Variants in DNAH2 observed in about 807,000 individuals in gnomAD.
DNAH2 encodes the protein axonemal beta dynein heavy chain 2.
Under a neutral mutation model 523.5 loss-of-function variants are expected in DNAH2, and 323 were observed. The ratio of observed to expected loss-of-function variants is 0.62; its 90% CI spans 0.56 to 0.68. The LOEUF (loss-of-function observed/expected upper bound fraction) is 0.68. Ranked by LOEUF, DNAH2 falls within the 30% of genes least tolerant of loss-of-function variation. The pLI is 0.00. For synonymous variants in DNAH2, 2,093 were observed against 2,177.4 expected, an observed-to-expected ratio of 0.96 and a Z score of 1.08; for missense variants, 4,907 against 5,701.5, an observed-to-expected ratio of 0.86 and a Z score of 4.49.
chr17:7,757,394 A>G (rs1321946958), intron 13 of DNAH2, among the ~76,000 whole-genome samples, 157 bp downstream of exon 13: 1 of 150,522 alleles, frequency 6.6e-6, no homozygotes, highest in Non-Finnish European at 1.5e-5. Flanking sequence ...TTACGGCCCT[A>G]TCATTATTCC....
In DNAH2 at chr17:7,766,329, A is replaced by C. The variant is rs1175513101; in HGVS notation, c.3523A>C (p.Ser1175Arg). ...EDFEFKGHFT[S>R]NVGYMSALDQ... The stretch of plus-strand genomic sequence containing the variant: ...TGAATCCTCCACAGGCCATTTCACC[A>C]GCAACGTGGGATACATGTCTGCCTT... Residue 1175 changes from serine (S) to arginine (R), a missense_variant, in exon 22 of 86, where the codon AGC becomes CGC. Ser to Arg is a moderately radical substitution (Grantham distance 110). Coordinates refer to ENST00000572933, the MANE Select transcript of DNAH2 (RefSeq NM_020877.5). The C allele has an allele frequency of 6.2e-7, 1 of 1,613,590 alleles. No homozygotes were observed. The highest frequency in any genetic ancestry group is 8.5e-7 in the Non-Finnish European group (1 of 1,179,624).
In DNAH2 at chr17:7,799,109, T is replaced by C. The variant is rs781215036; in HGVS notation, c.8566T>C (p.Ser2856Pro). 8.1e-6 allele frequency: 13 copies of C among 1,613,998 alleles called. No individual in the cohort carries two copies. Among genetic ancestry groups the C allele is most frequent in the Non-Finnish European group, 1.1e-5 (13 of 1,180,014 alleles). Reference protein sequence around the residue: ...YKPDEFEEIQSHIIDQARVEQ... With the variant: ...YKPDEFEEIQPHIIDQARVEQ... ...CTGGGTGGCTTCTGTCCAGATCCAG[T>C]CGCATATCATAGACCAGGCCCGGGT... is the stretch of plus-strand genomic sequence containing the variant. The change falls in exon 56 of 86, where the codon TCG becomes CCG. Residue 2856 changes from serine (S) to proline (P), a missense_variant. This residue lies in a region of DNAH2 where 1,851 missense variants were observed against 2,139.4 expected (regional missense o/e 0.87). Transcript: ENST00000572933.
intron 3 of DNAH2, among the ~76,000 whole-genome samples, chr17:7,726,045 G>A (rs929121177): frequency 6.6e-6 from 1 of 151,662 alleles, no homozygotes; most frequent in Non-Finnish European, 1.5e-5. Flanking sequence ...TTGCTCTGTC[G>A]CCCAGGCTGG....
At chr17:7,719,380 C>T (rs1486057860) in intron 1 of DNAH2, among the ~76,000 whole-genome samples, 1 of 152,102 alleles carries the variant, frequency 6.6e-6, no homozygotes, top group Non-Finnish European at 1.5e-5. Flanking sequence ...CCACCCGGCT[C>T]GGCCTCCCAA....
At chr17:7,768,826 G>A (rs1406790006) in intron 24 of DNAH2, among the ~76,000 whole-genome samples, 1 of 152,094 alleles carries the variant, frequency 6.6e-6, no homozygotes, top group Non-Finnish European at 1.5e-5. Flanking sequence ...GGCTTATTTC[G>A]CTTAGCATAA....
rs770715466 is a variant in DNAH2, at chr17:7,796,540, T to G, written c.7751T>G (p.Ile2584Ser). The part of the protein sequence containing the change: ...LQDFEEEVKP[I>S]GNVVTEATLD... ...GACTTTGAGGAAGAGGTGAAGCCCA[T>G]TGGGAACGTGGTGACAGAGGCCACC... Residue 2584 changes from isoleucine to serine, a missense_variant, in exon 50 of 86, where the codon ATT becomes AGT. By Grantham distance (142) the Ile-to-Ser change is moderately radical. Around this residue, in one of 3 missense-constraint regions of DNAH2, gnomAD observed 250 missense variants for 371.3 expected, o/e 0.67. Coordinates refer to ENST00000572933, the MANE Select transcript of DNAH2 (RefSeq NM_020877.5). The G allele has an allele frequency of 6.2e-7, 1 of 1,613,466 alleles. No individual in the cohort carries two copies. Among genetic ancestry groups the G allele is most frequent in the African/African-American group, 1.3e-5 (1 of 74,708 alleles).
intron 74 of DNAH2, 35 bp from the exon 75 acceptor site, chr17:7,823,799 C>T (rs1316148024): frequency 6.2e-7 from 1 of 1,609,226 alleles, no homozygotes; most frequent in East Asian, 2.2e-5. Context: ...TCCAGACTCA[C>T]TCCCTCTCCC....
At position 7,823,936 on chromosome 17, in the gene DNAH2, A is replaced by G. The variant is rs1052953631; in HGVS notation, c.11432A>G (p.Asn3811Ser). 2.5e-6 allele frequency: 4 copies of G among 1,613,370 alleles called. No individual in the cohort carries two copies. Among genetic ancestry groups the G allele is most frequent in the Admixed American group, 1.7e-5 (1 of 59,976 alleles). The stretch of plus-strand genomic sequence containing the variant: ...TGCGTGACCTCCTTCATCATCACCA[A>G]CCTTGGCTCCCGCTTCATCGAGCCG... ...AFCVTSFIIT[N>S]LGSRFIEPPV... Residue 3811 changes from asparagine to serine, a missense_variant, in exon 75 of 86, where the codon AAC becomes AGC. Physicochemically the swap from Asn to Ser is conservative, Grantham distance 46. Transcript: ENST00000572933.
At chr17:7,741,301 C>T (rs373372789) in intron 11 of DNAH2, among the ~76,000 whole-genome samples, 17,396 of 49,750 alleles carry the variant, frequency 0.35, 3,257 homozygotes, top group East Asian at 0.56. Context: ...TTTCTTCCTT[C>T]CTTCCCTCCC....
Position 7,734,668 on chromosome 17 carries a change from C to T in DNAH2, c.938C>T (p.Ser313Phe). The T allele has an allele frequency of 6.2e-7, 1 of 1,612,812 alleles. No individual in the cohort carries two copies. Among genetic ancestry groups the T allele is most frequent in the South Asian group, 1.1e-5 (1 of 90,860 alleles). The change falls in exon 7 of 86, where the codon TCC becomes TTC. Residue 313 changes from serine (S) to phenylalanine (F), a missense_variant. Transcript: ENST00000572933. ...TCCATCCTGCACCTTGCCAAGTCGT[C>T]CTACTTGGCGCCCTTTATGAAACTG... ...VESILHLAKSSYLAPFMKLAQ... is the reference protein window; with the variant it reads ...VESILHLAKSFYLAPFMKLAQ...
At chr17:7,801,099 G>A (rs570996172) in intron 56 of DNAH2, among the ~76,000 whole-genome samples, 3 of 151,688 alleles carry the variant, frequency 2.0e-5, no homozygotes, top group African/African-American at 4.8e-5. Context: ...TTTCGAACAC[G>A]TGGGCTCAAG....
At position 7,796,652 on chromosome 17, in the gene DNAH2, G is replaced by C. The variant is rs2077071382; in HGVS notation, c.7863G>C (p.Lys2621Asn). 1 of 1,609,484 alleles carries C rather than the reference G, an allele frequency of 6.2e-7. No individual in the cohort carries two copies. ...HYLFNLRDISKVFQGMLRANK... is the reference protein window; with the variant it reads ...HYLFNLRDISNVFQGMLRANK... Reference sequence around the variant, plus strand: ...TCTTCAACCTTCGAGACATCTCCAAGGTGACTCGCGGCCTGACCTTGCCCC... The same window carrying C: ...TCTTCAACCTTCGAGACATCTCCAACGTGACTCGCGGCCTGACCTTGCCCC... Residue 2621 changes from lysine to asparagine, a missense_variant and splice_region_variant, in exon 50 of 86, where the codon AAG becomes AAC. Physicochemically the swap from Lys to Asn is moderately conservative, Grantham distance 94 (BLOSUM62 0). This residue lies in a region of DNAH2 where 250 missense variants were observed against 371.3 expected (regional missense o/e 0.67). Coordinates refer to ENST00000572933, the MANE Select transcript of DNAH2 (RefSeq NM_020877.5).
chr17:7,771,452 G>A lies in DNAH2; in HGVS notation c.4485G>A (p.Arg1495=), dbSNP rs765169288. The A allele has an allele frequency of 6.2e-7, 1 of 1,613,830 alleles. No homozygotes were observed. Among genetic ancestry groups the A allele is most frequent in the Non-Finnish European group, 8.5e-7 (1 of 1,179,832 alleles). Residue 1495 remains arginine, a synonymous_variant, in exon 28 of 86, where the codon CGG becomes CGA. Transcript: ENST00000572933. ...TGAACAAGGACAACAATGCTCTCCG[G>A]AGCACCCATCACCCAGGTCAGAGCT... ...DRMNKDNNAL[R]STHHPGLLDT...
intron 11 of DNAH2, among the ~76,000 whole-genome samples, chr17:7,741,517 C>T (rs904657201): frequency 7.3e-5 from 11 of 151,540 alleles, no homozygotes; most frequent in Non-Finnish European, 1.3e-4. Context: ...GCCACCGCAC[C>T]CAGCTAATTT....
chr17:7,798,594 T>C lies in DNAH2; in HGVS notation c.8435T>C (p.Leu2812Pro). 6.2e-7 allele frequency: 1 copy of C among 1,614,034 alleles called. No homozygotes were observed. The highest frequency in any genetic ancestry group is 8.5e-7 in the Non-Finnish European group (1 of 1,180,014). Residue 2812 changes from leucine (L) to proline (P), a missense_variant, in exon 55 of 86, where the codon CTC (leucine) becomes CCC (proline). By Grantham distance (98) the Leu-to-Pro change is moderately conservative. Coordinates refer to ENST00000572933, the MANE Select transcript of DNAH2 (RefSeq NM_020877.5). This position sits in a 1 kb window ranked among gnomAD's most constrained non-coding sequence, Gnocchi z 5.5. ...CTGTATCGCCAGGCTGGGGTGGAGC[T>C]CAAGACCACGTCCTTCATTTTTGTG... ...KRLYRQAGVE[L>P]KTTSFIFVDT...
At chr17:7,756,355 A>G (rs1311773163) in intron 12 of DNAH2, among the ~76,000 whole-genome samples, 1 of 152,006 alleles carries the variant, frequency 6.6e-6, no homozygotes, top group Admixed American at 6.6e-5. Context: ...GGCTCACTGC[A>G]ACCTCCACCT....
At chr17:7,757,745 G>T (rs2075885078) in intron 13 of DNAH2, among the ~76,000 whole-genome samples, 1 of 152,188 alleles carries the variant, frequency 6.6e-6, no homozygotes, top group African/African-American at 2.4e-5. Context: ...ATTTCTCACA[G>T]TTCTGGGGGC....
In DNAH2 at chr17:7,832,806, G is replaced by T; in HGVS notation, c.12904-48G>T. 1 of 1,614,080 alleles carries T rather than the reference G, an allele frequency of 6.2e-7. No homozygotes were observed. The highest frequency in any genetic ancestry group is 8.5e-7 in the Non-Finnish European group (1 of 1,180,000). On this transcript the variant is annotated intron_variant, in intron 83 of 85. Coordinates refer to ENST00000572933, the MANE Select transcript of DNAH2 (RefSeq NM_020877.5). This position sits in a 1 kb window ranked among gnomAD's most constrained non-coding sequence, Gnocchi z 4.3. ...GGGGATGTATGCTGGGGCCATGTAT[G>T]TGTTCTCCTCTTCAGGGTCCTCTCT...
chr17:7,756,869 C>T (rs564002136), intron 12 of DNAH2, among the ~76,000 whole-genome samples: 1 of 152,210 alleles, frequency 6.6e-6, no homozygotes, highest in Admixed American at 6.5e-5. Flanking sequence ...TGGGATTCCC[C>T]CGTGTTGGCC....
Sources: allele counts gnomAD v4.1 joint callset (sites outside exome capture counted in the v4.1 genomes callset), GRCh38; gene constraint gnomAD v4.1.1; regional missense constraint gnomAD v4.1.1; non-coding constraint Gnocchi (gnomAD v3.1); transcripts MANE v1.5; gene names NCBI Gene and HGNC (gene_info 2026-07-23, HGNC 2026-07-21).